The following ACSL1 variants were observed in gnomAD, a reference collection of about 807,000 sequenced individuals.
The protein encoded by ACSL1 is long-chain-fatty-acid--CoA ligase 1.
A neutral mutation model predicts 98.4 loss-of-function variants in ACSL1; 41 were observed. The ratio of observed to expected loss-of-function variants is 0.42; its 90% CI spans 0.32 to 0.54. The LOEUF is 0.54. ACSL1 is among the 20% of genes least tolerant of loss of function. ACSL1 has a pLI of 0.13. For synonymous variants in ACSL1, 316 were observed against 322.7 expected (o/e 0.98, Z 0.22); for missense variants, 734 against 883.1 (o/e 0.83, Z 2.14).
chr4:184,760,289 A>C lies in ACSL1; in HGVS notation c.1782+68T>G. On this transcript the variant is annotated intron_variant, in intron 18 of 20. Coordinates refer to ENST00000281455, the MANE Select transcript of ACSL1 (RefSeq NM_001995.5). ...GCGTCTCAAACTTCCAATCACATTT[A>C]AAGCCCCTGGAGTACCAGGCAATGG... 3 of 1,548,472 alleles carry C rather than the reference A, an allele frequency of 1.9e-6. No homozygotes were observed. In the South Asian group the frequency reaches 3.6e-5, roughly 19 times the overall value.
intron 1 of ACSL1, among the ~76,000 whole-genome samples, chr4:184,821,980 A>G (rs1773100332): frequency 6.6e-6 from 1 of 152,230 alleles, no homozygotes; most frequent in African/African-American, 2.4e-5. Context: ...TTTCTCCAGT[A>G]AGTATGTATG....
intron 1 of ACSL1, among the ~76,000 whole-genome samples, chr4:184,807,494 C>G (rs2150463252): frequency 6.6e-6 from 1 of 152,238 alleles, no homozygotes; most frequent in South Asian, 2.1e-4. Flanking sequence ...AACCTGGAGT[C>G]TAAAACCACA....
At chr4:184,800,960 C>T (rs535178487) in intron 2 of ACSL1, among the ~76,000 whole-genome samples, 2 of 152,290 alleles carry the variant, frequency 1.3e-5, no homozygotes, top group South Asian at 2.1e-4. Context: ...TCAAATGATT[C>T]GTCCACTTCA....
In ACSL1 at chr4:184,803,220, A is replaced by G. The variant is rs1770816696; in HGVS notation, c.195+100T>C. ...TTTCCATTTACAAAGTGCAGTTATA[A>G]ACAAATATTTGATCTTGATGGCTAT... is the stretch of plus-strand genomic sequence containing the variant. On this transcript the variant is annotated intron_variant, in intron 2 of 20. Transcript: ENST00000281455. The surrounding 1 kb of genome is among the most constrained non-coding windows in gnomAD (Gnocchi z 4.8). 8.3e-7 allele frequency: 1 copy of G among 1,209,586 alleles called. No individual in the cohort carries two copies. Among genetic ancestry groups the G allele is most frequent in the South Asian group, 1.7e-5 (1 of 57,502 alleles). 74.9% of individuals were successfully genotyped at this position (1,209,586 alleles called of 1,614,324 possible). A position where few individuals can be genotyped will look rare whatever the true frequency, so the allele number is the denominator to read the frequency against.
chr4:184,823,721 T>C (rs1444956048), intron 1 of ACSL1, among the ~76,000 whole-genome samples: 1 of 152,230 alleles, frequency 6.6e-6, no homozygotes, highest in African/African-American at 2.4e-5. Flanking sequence ...GCAGCAACTC[T>C]GAGATAGTCA....
chr4:184,791,512 G>C (rs1768360309), intron 2 of ACSL1, among the ~76,000 whole-genome samples: 1 of 152,202 alleles, frequency 6.6e-6, no homozygotes, highest in African/African-American at 2.4e-5. Flanking sequence ...CTGGGGATGC[G>C]ATCCAGCAAT....
Position 184,763,185 on chromosome 4 carries a change from A to T in ACSL1, c.1503T>A (p.Ala501=), listed in dbSNP as rs1389201035. 3 of 1,613,964 alleles carry T rather than the reference A, an allele frequency of 1.9e-6. No individual in the cohort carries two copies. Among genetic ancestry groups the T allele is most frequent in the Non-Finnish European group, 2.5e-6 (3 of 1,179,986 alleles). ...LVDVEEMNYM[A]AEGEGEVCVK... Reference sequence around the variant, plus strand: ...CACTCACCTCGCCCTCGCCCTCGGCAGCCATGTAATTCATTTCTTCCACAT... The same window carrying T: ...CACTCACCTCGCCCTCGCCCTCGGCTGCCATGTAATTCATTTCTTCCACAT... The change falls in exon 16 of 21, where the codon GCT becomes GCA. Residue 501 remains alanine (A), a synonymous_variant. Transcript: ENST00000281455.
chr4:184,826,360 C>G (rs891774212), upstream of ACSL1, among the ~76,000 whole-genome samples: 5 of 152,122 alleles, frequency 3.3e-5, no homozygotes, highest in Non-Finnish European at 7.4e-5. Context: ...GCGGGCGGCG[C>G]CCTCCGGATC....
intron 2 of ACSL1, among the ~76,000 whole-genome samples, chr4:184,802,618 C>A (rs115306604): frequency 0.011 from 1,739 of 152,306 alleles, 39 homozygotes; most frequent in African/African-American, 0.039. Flanking sequence ...AGAGCAGGAG[C>A]ACTAAGAATC....
rs1773364683 is a variant in ACSL1, at chr4:184,825,129, T to C, written c.-33+787A>G. The C allele has an allele frequency of 1.0e-6, 1 of 953,890 alleles. No individual in the cohort carries two copies. Among genetic ancestry groups the C allele is most frequent in the African/African-American group, 1.8e-5 (1 of 56,594 alleles). The allele number at this position is 953,890 out of a possible 1,614,324, so 59.1% of individuals were successfully genotyped here. ...ATGCTCCATAACCTTGAAATTGGAC[T>C]GAGTGGGGAAGGGGTTTCCACACTC... On this transcript the variant is annotated intron_variant, in intron 1 of 20. Coordinates refer to ENST00000281455, the MANE Select transcript of ACSL1 (RefSeq NM_001995.5). This position sits in a 1 kb window ranked among gnomAD's most constrained non-coding sequence, Gnocchi z 4.7.
chr4:184,791,214 C>G lies in ACSL1; in HGVS notation c.196-2483G>C, dbSNP rs1768295646. Among the ~76,000 whole-genome samples the G allele has an allele frequency of 2.6e-5, 4 of 152,340 alleles. 1 individual carries two copies. In the South Asian group the frequency reaches 8.3e-4, roughly 32 times the overall value. ...CAAAAGCAACACCACTTTCTGCACT[C>G]TGCAGAGGAGTTCCCCTAGCTGTGA... On this transcript the variant is annotated intron_variant, in intron 2 of 20. Coordinates refer to ENST00000281455, the MANE Select transcript of ACSL1 (RefSeq NM_001995.5).
chr4:184,777,482 G>C (rs1765481027), intron 5 of ACSL1, among the ~76,000 whole-genome samples: 1 of 142,836 alleles, frequency 7.0e-6, no homozygotes, highest in Admixed American at 7.0e-5. Flanking sequence ...TGTACAAAGA[G>C]AGGGAGGGAG....
intron 5 of ACSL1, among the ~76,000 whole-genome samples, chr4:184,778,332 G>A (rs866128493): frequency 2.6e-5 from 4 of 152,244 alleles, no homozygotes; most frequent in African/African-American, 7.2e-5. Flanking sequence ...AGGCTTCTGA[G>A]TTTCGGTTTT....
rs770438077 is a variant in ACSL1 at position 184,776,549 on chromosome 4, C to T, written c.691G>A (p.Gly231Ser). 2.5e-5 allele frequency: 40 copies of T among 1,614,030 alleles called. No individual in the cohort carries two copies. The Middle Eastern group carries it at 6.6e-4, about 27-fold the overall frequency. The change falls in exon 7 of 21, where the codon GGC (glycine) becomes AGC (serine). Residue 231 changes from glycine to serine, a missense_variant. Gly to Ser is a moderately conservative substitution (Grantham distance 56, BLOSUM62 0). Coordinates refer to ENST00000281455, the MANE Select transcript of ACSL1 (RefSeq NM_001995.5). ...TGGCCTCGTTCCACCAGTTCACTGC[C>T]GTAGGCATCCATGACAACTATGATT... ...LKIIVVMDAY[G>S]SELVERGQRC...
At chr4:184,805,181 C>T (rs968541344) in intron 1 of ACSL1, among the ~76,000 whole-genome samples, 3 of 152,188 alleles carry the variant, frequency 2.0e-5, no homozygotes, top group Admixed American at 6.5e-5. Context: ...CTCATCATCA[C>T]TGGTCATCAG....
In ACSL1 at chr4:184,764,983, A is replaced by G. The variant is rs34311553; in HGVS notation, c.1360-58T>C. 1.4e-3 allele frequency: 2,184 copies of G among 1,542,088 alleles called. 3 individuals carry two copies. The highest frequency in any genetic ancestry group is 1.6e-3 in the Non-Finnish European group (1,838 of 1,126,818). ...AGAGCACAATCACACCTTTACTGGAAGTGCACAAGCAATGAAGTCTCACTA... is the reference window on the plus strand; with the variant it reads ...AGAGCACAATCACACCTTTACTGGAGGTGCACAAGCAATGAAGTCTCACTA... On this transcript the variant is annotated intron_variant, in intron 14 of 20. Transcript: ENST00000281455.
rs201779955 is a variant in ACSL1, at chr4:184,763,154, G to T, written c.1521+13C>A. On this transcript the variant is annotated intron_variant, in intron 16 of 20. Transcript: ENST00000281455. Reference sequence around the variant, plus strand: ...ATGGCAGCGAGGGAAAATGACTGACGGTTTTCACTCACCTCGCCCTCGCCC... The same window carrying T: ...ATGGCAGCGAGGGAAAATGACTGACTGTTTTCACTCACCTCGCCCTCGCCC... 3.1e-5 allele frequency: 50 copies of T among 1,611,268 alleles called. 1 individual carries two copies. In the African/African-American group the frequency reaches 4.5e-4, roughly 15 times the overall value.
intron 1 of ACSL1, among the ~76,000 whole-genome samples, chr4:184,824,823 GAAAAAAGAA>G (rs1327729476): frequency 6.6e-6 from 1 of 151,098 alleles, no homozygotes; most frequent in Non-Finnish European, 1.5e-5. Context: ...ACGTCCACTT[GAAAAAAGAA>G]AAAAAAGAAA....
At chr4:184,785,240 G>A (rs1767016773) in intron 3 of ACSL1, among the ~76,000 whole-genome samples, 1 of 152,190 alleles carries the variant, frequency 6.6e-6, no homozygotes, top group African/African-American at 2.4e-5. Context: ...TAGCCGTTAA[G>A]CTGCAGGCTC....
Sources: gnomAD v4.1 joint callset for allele counts (sites outside exome capture counted in the v4.1 genomes callset) on GRCh38, gnomAD v4.1.1 for gene constraint, Gnocchi (gnomAD v3.1) non-coding constraint, MANE v1.5 for transcripts, NCBI Gene and HGNC (gene_info 2026-07-23, HGNC 2026-07-21) for gene names.